Variants in SYN2 observed in about 807,000 individuals in gnomAD.
The protein encoded by SYN2 is synapsin-2.
SYN2 carries 19 observed loss-of-function variants against 50.9 expected under a neutral mutation model. The ratio of observed to expected loss-of-function variants is 0.37; its 90% CI spans 0.26 to 0.55. The LOEUF (loss-of-function observed/expected upper bound fraction) is 0.55, where lower values mean the gene tolerates loss of function less well. Among genes scored for constraint, SYN2 ranks in the 20% least tolerant of loss-of-function variants. The probability of loss-of-function intolerance (pLI) is 0.81; values close to 1 mark genes in which losing one functional copy is unlikely to be tolerated. For synonymous variants in SYN2, 255 were observed against 224.9 expected, an observed-to-expected ratio of 1.13 and a Z score of -1.20; for missense variants, 587 against 576.4, an observed-to-expected ratio of 1.02 and a Z score of -0.19.
chr3:12,158,828 G>A (rs776322229), intron 5 of SYN2: 9 of 1,589,992 alleles, frequency 5.7e-6, no homozygotes, highest in Non-Finnish European at 7.7e-6. Flanking sequence ...GCGGGCCGAG[G>A]GCTCCCAGGC....
chr3:12,044,740 G>A (rs2125151189), intron 1 of SYN2, among the ~76,000 whole-genome samples: 1 of 152,154 alleles, frequency 6.6e-6, no homozygotes, highest in East Asian at 1.9e-4. Flanking sequence ...TGCTATTGGG[G>A]AATAAGAAAA....
chr3:12,190,780 A>G lies in SYN2; in HGVS notation c.*155A>G. The G allele has an allele frequency of 7.1e-7, 1 of 1,400,084 alleles. No individual in the cohort carries two copies. The highest frequency in any genetic ancestry group is 9.2e-7 in the Non-Finnish European group (1 of 1,083,332). 86.7% of individuals were successfully genotyped at this position (1,400,084 alleles called of 1,614,324 possible). On this transcript the variant is annotated 3_prime_UTR_variant, in exon 13 of 13. Transcript: ENST00000621198. ...TACTAAGTGATGTTGTGCAGCCCAG[A>G]AAGGACCATTTGACAGTCTCAGGGC...
intron 1 of SYN2, among the ~76,000 whole-genome samples, chr3:12,098,217 T>G (rs1256019088): frequency 6.6e-6 from 1 of 152,072 alleles, no homozygotes; most frequent in Non-Finnish European, 1.5e-5. Context: ...CCAGAGGCAG[T>G]GGGATGACAC....
At chr3:12,021,821 T>C (rs1442782651) in intron 1 of SYN2, among the ~76,000 whole-genome samples, 4 of 151,766 alleles carry the variant, frequency 2.6e-5, no homozygotes, top group Admixed American at 6.6e-5. Flanking sequence ...TCCCAGCACT[T>C]TGGGAGGCCG....
intron 1 of SYN2, among the ~76,000 whole-genome samples, chr3:12,125,873 A>G (rs1002268886): frequency 1.3e-5 from 2 of 151,878 alleles, no homozygotes; most frequent in African/African-American, 2.4e-5. Flanking sequence ...AAAACACACA[A>G]AAAAACTGAG....
chr3:12,085,350 A>AATAT (rs202013535), intron 1 of SYN2, among the ~76,000 whole-genome samples: 2 of 24,012 alleles, frequency 8.3e-5, no homozygotes, highest in African/African-American at 1.6e-4. Context: ...ATTGTTATGG[A>AATAT]ATACACACAC....
intron 1 of SYN2, among the ~76,000 whole-genome samples, chr3:12,118,473 C>G (rs930297315): frequency 1.3e-5 from 2 of 152,174 alleles, no homozygotes; most frequent in Admixed American, 6.5e-5. Flanking sequence ...GATGAGGAAA[C>G]AGGCCCAGAG....
chr3:12,064,524 T>G (rs1029843830), intron 1 of SYN2, among the ~76,000 whole-genome samples: 3 of 152,088 alleles, frequency 2.0e-5, no homozygotes, highest in African/African-American at 7.2e-5. Context: ...AGAGTTCTTA[T>G]AATTCAACAA....
At chr3:12,042,184 A>G (rs1183979061) in intron 1 of SYN2, among the ~76,000 whole-genome samples, 1 of 152,232 alleles carries the variant, frequency 6.6e-6, no homozygotes, top group Non-Finnish European at 1.5e-5. Flanking sequence ...TTAAATAATT[A>G]AACATTGCAA....
At chr3:12,015,060 A>G (rs909758557) in intron 1 of SYN2, among the ~76,000 whole-genome samples, 1 of 152,192 alleles carries the variant, frequency 6.6e-6, no homozygotes, top group Non-Finnish European at 1.5e-5. Flanking sequence ...ACTTTGATGT[A>G]ACCATGAGAC....
chr3:12,158,664 C>G, intron 5 of SYN2: 4 of 1,606,554 alleles, frequency 2.5e-6, no homozygotes, highest in Middle Eastern at 1.7e-4. Flanking sequence ...TCCCCCACAA[C>G]CACCCCCTGC....
intron 11 of SYN2, chr3:12,184,265 A>C (rs931568981): frequency 1.0e-6 from 1 of 985,866 alleles, no homozygotes; most frequent in Non-Finnish European, 1.2e-6. Flanking sequence ...ACTTGTGAGT[A>C]TTTTGTGTGT....
chr3:12,078,714 A>T (rs1253438333), intron 1 of SYN2, among the ~76,000 whole-genome samples: 8 of 152,014 alleles, frequency 5.3e-5, no homozygotes, highest in Middle Eastern at 3.4e-3. Flanking sequence ...TAGCCTTTTA[A>T]TGTAGCTTGA....
At chr3:12,150,848 G>A (rs1231069742) in intron 4 of SYN2, among the ~76,000 whole-genome samples, 4 of 152,130 alleles carry the variant, frequency 2.6e-5, no homozygotes, top group African/African-American at 4.8e-5. Context: ...CATGCCTTGC[G>A]ATCACTCAGA....
chr3:12,049,266 C>A (rs1192285169), intron 1 of SYN2, among the ~76,000 whole-genome samples: 1 of 152,050 alleles, frequency 6.6e-6, no homozygotes, highest in African/African-American at 2.4e-5. Context: ...TGCCCATAAT[C>A]CTAGCACTTT....
rs987043219 is a variant in SYN2 at position 12,035,150 on chromosome 3, A to T, written c.377+30222A>T. Among the ~76,000 whole-genome samples the T allele has an allele frequency of 3.3e-5, 5 of 152,350 alleles. No individual in the cohort carries two copies. The East Asian group carries it at 9.6e-4, about 29-fold the overall frequency. On this transcript the variant is annotated intron_variant, in intron 1 of 12. Coordinates refer to ENST00000621198, the MANE Select transcript of SYN2 (RefSeq NM_133625.6). Reference sequence around the variant, plus strand: ...AGTAAGTCCAAAACCCAACATCATGAATAACGTTAAATCTTAAAGCTCCAG... The same window carrying T: ...AGTAAGTCCAAAACCCAACATCATGTATAACGTTAAATCTTAAAGCTCCAG...
At chr3:12,125,909 T>C (rs1437179949) in intron 1 of SYN2, among the ~76,000 whole-genome samples, 6 of 151,696 alleles carry the variant, frequency 4.0e-5, no homozygotes, top group African/African-American at 1.5e-4. Context: ...CCCCTTGTTA[T>C]AAATATTACA....
At chr3:12,109,617 A>G (rs912495429) in intron 1 of SYN2, among the ~76,000 whole-genome samples, 2 of 152,156 alleles carry the variant, frequency 1.3e-5, no homozygotes, top group Non-Finnish European at 2.9e-5. Context: ...TCCTTCCCCA[A>G]CACACCTTCC....
intron 1 of SYN2, among the ~76,000 whole-genome samples, chr3:12,060,079 A>G (rs2125161534): frequency 6.6e-6 from 1 of 152,338 alleles, no homozygotes; most frequent in South Asian, 2.1e-4. Context: ...TGAGATCTGC[A>G]TACTTGGAGC....
Sources: gnomAD v4.1 joint callset for allele counts (sites outside exome capture counted in the v4.1 genomes callset) on GRCh38, gnomAD v4.1.1 for gene constraint, MANE v1.5 for transcripts, NCBI Gene and HGNC (gene_info 2026-07-23, HGNC 2026-07-21) for gene names.